Variants in ALG12 observed in about 807,000 individuals in gnomAD.
The protein encoded by ALG12 is dol-P-Man:Man(7)GlcNAc(2)-PP-Dol alpha-1,6-mannosyltransferase.
A neutral mutation model predicts 46.0 loss-of-function variants in ALG12; 36 were observed. The ratio of observed to expected loss-of-function variants is 0.78; its 90% confidence interval spans 0.60 to 1.03. The LOEUF is 1.03. Ranked by LOEUF, ALG12 falls within the 50% of genes least tolerant of loss-of-function variation. The probability of loss-of-function intolerance (pLI) is 0.00; values close to 1 mark genes in which losing one functional copy is unlikely to be tolerated. For missense variants in ALG12, 599 were observed against 633.5 expected (o/e 0.95, Z 0.58); for synonymous variants, 326 against 291.6 (o/e 1.12, Z -1.20).
the ALG12 span, among the ~76,000 whole-genome samples, chr22:49,882,743 C>T: frequency 9.2e-5 from 14 of 152,250 alleles, no homozygotes; most frequent in East Asian, 1.3e-3. Context: ...CATTCCAGCA[C>T]GGCGCAGCAT....
the ALG12 span, among the ~76,000 whole-genome samples, chr22:49,870,326 C>A: frequency 1.3e-5 from 2 of 152,048 alleles, no homozygotes; most frequent in East Asian, 3.8e-4. Context: ...TGATTTATTT[C>A]TTTGGGTACA....
chr22:49,881,506 C>T, the ALG12 span, among the ~76,000 whole-genome samples: 2 of 152,190 alleles, frequency 1.3e-5, no homozygotes, highest in African/African-American at 4.8e-5. Flanking sequence ...TCTCCTCAGC[C>T]TTCCAAGCAG....
At chr22:49,868,375 T>A in the ALG12 span, among the ~76,000 whole-genome samples, 2 of 151,990 alleles carry the variant, frequency 1.3e-5, no homozygotes, top group African/African-American at 4.8e-5. Context: ...GGATCAGGAG[T>A]TCGACACCAG....
downstream of ALG12, among the ~76,000 whole-genome samples, chr22:49,898,397 C>T (rs1038845950): frequency 2.7e-5 from 4 of 145,818 alleles, no homozygotes; most frequent in Non-Finnish European, 6.1e-5. Flanking sequence ...TGATTTTTTT[C>T]TTTTTTTTTT....
At chr22:49,892,739 C>T in the ALG12 span, among the ~76,000 whole-genome samples, 1 of 152,152 alleles carries the variant, frequency 6.6e-6, no homozygotes, top group African/African-American at 2.4e-5. Flanking sequence ...TGCATCAGGG[C>T]GATCTGCCTC....
chr22:49,883,976 G>A, the ALG12 span: 1 of 1,613,484 alleles, frequency 6.2e-7, no homozygotes, highest in Non-Finnish European at 8.5e-7. Context: ...GTGACCCAGA[G>A]CCTCCTTTCC....
intron 1 of ALG12, among the ~76,000 whole-genome samples, chr22:49,915,552 G>A (rs533719203): frequency 5.8e-4 from 88 of 152,178 alleles, no homozygotes; most frequent in African/African-American, 2.0e-3. Flanking sequence ...GCGTGACTCC[G>A]TCTCAGAAAT....
rs867472754 is a variant in ALG12 at position 49,903,461 on chromosome 22, T to C, written c.*377A>G. 6.3e-6 allele frequency: 3 copies of C among 474,658 alleles called. No individual in the cohort carries two copies. The highest frequency in any genetic ancestry group is 3.2e-4 in the Middle Eastern group (1 of 3,156). 29.4% of individuals were successfully genotyped at this position (474,658 alleles called of 1,614,324 possible). A position where few individuals can be genotyped will look rare whatever the true frequency, so the allele number is the denominator to read the frequency against. On this transcript the variant is annotated 3_prime_UTR_variant, in exon 10 of 10. Transcript: ENST00000330817. Reference sequence around the variant, plus strand: ...GCGTGGGGTGCTGCCAAAATACAGCTCCCCCTGGGTGGGCAGGACACACGT... The same window carrying C: ...GCGTGGGGTGCTGCCAAAATACAGCCCCCCCTGGGTGGGCAGGACACACGT...
chr22:49,903,105 G>C lies in ALG12; in HGVS notation c.*733C>G, dbSNP rs80103223. On this transcript the variant is annotated 3_prime_UTR_variant, in exon 10 of 10. Transcript: ENST00000330817. Reference sequence around the variant, plus strand: ...TGCTTTATAAATGCATGGTCAGTGAGGCTGACAGCACCAAGCTGTCCCTTT... The same window carrying C: ...TGCTTTATAAATGCATGGTCAGTGACGCTGACAGCACCAAGCTGTCCCTTT... 134 of 353,008 alleles carry C rather than the reference G, an allele frequency of 3.8e-4. 2 individuals carry two copies. The highest frequency in any genetic ancestry group is 2.8e-3 in the South Asian group (131 of 47,182). 21.9% of individuals were successfully genotyped at this position (353,008 alleles called of 1,614,324 possible).
chr22:49,907,767 C>A lies in ALG12; in HGVS notation c.946G>T (p.Ala316Ser). ...PHKELRFIIY[A>S]FPMLNITAAR... The stretch of plus-strand genomic sequence containing the variant: ...GCCGTGATGTTGAGCATGGGGAAGG[C>A]ATAGATGATGAAGCGTAGCTCCTTG... Residue 316 changes from alanine to serine, a missense_variant, in exon 7 of 10, where the codon GCC becomes TCC. By Grantham distance (99) the Ala-to-Ser change is moderately conservative. Coordinates refer to ENST00000330817, the MANE Select transcript of ALG12 (RefSeq NM_024105.4). 1 of 1,614,142 alleles carries A rather than the reference C, an allele frequency of 6.2e-7. No homozygotes were observed. The highest frequency in any genetic ancestry group is 1.3e-5 in the African/African-American group (1 of 75,050).
downstream of ALG12, among the ~76,000 whole-genome samples, chr22:49,900,002 A>C (rs1347204845): frequency 1.3e-5 from 2 of 152,044 alleles, no homozygotes; most frequent in Non-Finnish European, 2.9e-5. Flanking sequence ...CTTCAAGAAA[A>C]ATTTTTTAAA....
chr22:49,887,452 T>TTA, the ALG12 span: 11 of 319,566 alleles, frequency 3.4e-5, no homozygotes, highest in South Asian at 9.7e-5. Flanking sequence ...ACCGTAAAGT[T>TTA]TTTTAAAGTT....
In ALG12 at chr22:49,905,462, A is replaced by T. The variant is rs1725746605; in HGVS notation, c.993-956T>A. 6.6e-6 allele frequency among the ~76,000 whole-genome samples: 1 copy of T among 152,120 alleles called. No individual in the cohort carries two copies. The highest frequency in any genetic ancestry group is 2.4e-5 in the African/African-American group (1 of 41,442). On this transcript the variant is annotated intron_variant, in intron 7 of 9. Coordinates refer to ENST00000330817, the MANE Select transcript of ALG12 (RefSeq NM_024105.4). The surrounding 1 kb of genome is among the most constrained non-coding windows in gnomAD (Gnocchi z 4.9). ...GGGCCTGGTGGGAGGTGACTGGGTC[A>T]TGGAGGTGGAGCCCTCAGGAATGGA...
At chr22:49,869,317 CAGTG>C in the ALG12 span, among the ~76,000 whole-genome samples, 1 of 152,182 alleles carries the variant, frequency 6.6e-6, no homozygotes, top group Non-Finnish European at 1.5e-5. Context: ...GCACCCGTAA[CAGTG>C]AGTGCACGGC....
At chr22:49,912,106 G>A (rs867637859) in intron 3 of ALG12, among the ~76,000 whole-genome samples, 1 of 145,826 alleles carries the variant, frequency 6.9e-6, no homozygotes, top group Admixed American at 6.7e-5. Flanking sequence ...GATCACCCTC[G>A]GCCCCGGGAT....
Position 49,905,402 on chromosome 22 carries a change from C to A in ALG12, c.993-896G>T, listed in dbSNP as rs1004700801. Among the ~76,000 whole-genome samples the A allele has an allele frequency of 3.3e-5, 5 of 152,198 alleles. No individual in the cohort carries two copies. Among genetic ancestry groups the A allele is most frequent in the African/African-American group, 4.8e-5 (2 of 41,446 alleles). On this transcript the variant is annotated intron_variant, in intron 7 of 9. Transcript: ENST00000330817. The surrounding 1 kb of genome is among the most constrained non-coding windows in gnomAD (Gnocchi z 4.9). ...GTTTGGATCTGCGTCCCCACCAAAT[C>A]TCATGTCCAACTGTGATCCCCAATG...
At chr22:49,895,657 TAA>T (rs59138053), downstream of ALG12, among the ~76,000 whole-genome samples, 44 of 125,654 alleles carry the variant, frequency 3.5e-4, no homozygotes, top group African/African-American at 7.0e-4. Flanking sequence ...ATCTCAAAAA[TAA>T]AAAAAAAAAA....
chr22:49,904,332 C>G lies in ALG12; in HGVS notation c.1162+5G>C. On this transcript the variant is annotated splice_donor_5th_base_variant and intron_variant, in intron 8 of 9. Coordinates refer to ENST00000330817, the MANE Select transcript of ALG12 (RefSeq NM_024105.4). The stretch of plus-strand genomic sequence containing the variant: ...CAGTCCCCAGGCAGTGCCCCCAGCA[C>G]CCACCTGTCTGGGGGGGCACCAGCT... 6.2e-7 allele frequency: 1 copy of G among 1,614,184 alleles called. No homozygotes were observed.
At chr22:49,916,727 G>C (rs1409726276) in intron 1 of ALG12, among the ~76,000 whole-genome samples, 1 of 152,214 alleles carries the variant, frequency 6.6e-6, no homozygotes, top group Non-Finnish European at 1.5e-5. Context: ...GACATGGGGG[G>C]TACTGCTTGA....
Sources: gnomAD v4.1 joint callset for allele counts (sites outside exome capture counted in the v4.1 genomes callset) on GRCh38, gnomAD v4.1.1 for gene constraint, Gnocchi (gnomAD v3.1) non-coding constraint, MANE v1.5 for transcripts, NCBI Gene and HGNC (gene_info 2026-07-23, HGNC 2026-07-21) for gene names.